The following TRIM33 variants were observed in gnomAD, a reference collection of about 807,000 sequenced individuals.
The protein encoded by TRIM33 is E3 ubiquitin-protein ligase TRIM33.
TRIM33 carries 20 observed loss-of-function variants against 125.4 expected under a neutral mutation model. That is an observed-to-expected ratio of 0.16 (90% CI 0.11 to 0.23). The LOEUF (loss-of-function observed/expected upper bound fraction) is 0.23, where lower values mean the gene tolerates loss of function less well. TRIM33 is among the 10% of genes least tolerant of loss of function. The pLI is 1.00. For synonymous variants in TRIM33, 564 were observed against 513.9 expected (o/e 1.10, Z -1.32); for missense variants, 920 against 1,411.4 (o/e 0.65, Z 5.58).
intron 1 of TRIM33, among the ~76,000 whole-genome samples, chr1:114,509,375 T>C (rs1178527804): frequency 2.6e-5 from 4 of 152,220 alleles, no homozygotes; most frequent in Admixed American, 2.0e-4. Context: ...TCTATCCCAT[T>C]AGCGTGACAT....
intron 12 of TRIM33, among the ~76,000 whole-genome samples, chr1:114,409,268 G>C (rs1215674279): frequency 6.6e-6 from 1 of 152,112 alleles, no homozygotes; most frequent in African/African-American, 2.4e-5. Context: ...AACCTGTTTG[G>C]AGTTGCTTCA....
At chr1:114,433,457 TTTTG>T (rs1452593489) in intron 5 of TRIM33, among the ~76,000 whole-genome samples, 156 bp downstream of exon 5, 1 of 152,232 alleles carries the variant, frequency 6.6e-6, no homozygotes, top group African/African-American at 2.4e-5. Flanking sequence ...GTCAATTAAA[TTTTG>T]TTTAATTGAC....
At chr1:114,476,400 A>T (rs567182614) in intron 1 of TRIM33, among the ~76,000 whole-genome samples, 1 of 152,258 alleles carries the variant, frequency 6.6e-6, no homozygotes, top group African/African-American at 2.4e-5. Context: ...AATGCAGCAG[A>T]AACAGTTCAT....
At chr1:114,411,076 G>GGT (rs1652553088) in intron 11 of TRIM33, among the ~76,000 whole-genome samples, 1 of 152,160 alleles carries the variant, frequency 6.6e-6, no homozygotes, top group South Asian at 2.1e-4. Flanking sequence ...GTCTGGCTCT[G>GGT]CTGTCCAGAC....
At chr1:114,414,680 T>TA (rs1652816667) in intron 11 of TRIM33, among the ~76,000 whole-genome samples, 1 of 152,178 alleles carries the variant, frequency 6.6e-6, no homozygotes. Flanking sequence ...GGTAGGGTTT[T>TA]AAAAAATCTA....
chr1:114,500,323 T>C (rs1652635188), intron 1 of TRIM33, among the ~76,000 whole-genome samples: 1 of 152,072 alleles, frequency 6.6e-6, no homozygotes, highest in African/African-American at 2.4e-5. Flanking sequence ...GTTGTCGTTG[T>C]TTTTCTGTTC....
intron 4 of TRIM33, among the ~76,000 whole-genome samples, chr1:114,441,703 A>C (rs150019396): frequency 3.9e-4 from 59 of 152,294 alleles, no homozygotes; most frequent in Non-Finnish European, 7.9e-4. Context: ...TTCACATGGG[A>C]TACTTCTCAA....
chr1:114,439,477 A>T (rs1398520876), intron 4 of TRIM33, among the ~76,000 whole-genome samples: 3 of 149,042 alleles, frequency 2.0e-5, no homozygotes, highest in Admixed American at 1.3e-4. Flanking sequence ...TCAAAAAAAA[A>T]AAAAAAAAAA....
intron 16 of TRIM33, among the ~76,000 whole-genome samples, chr1:114,402,446 C>T (rs1326435573): frequency 6.6e-6 from 1 of 151,950 alleles, no homozygotes; most frequent in Non-Finnish European, 1.5e-5. Context: ...TGGTATCATT[C>T]AATTAAGGGG....
At chr1:114,477,398 T>TA (rs1485544990) in intron 1 of TRIM33, among the ~76,000 whole-genome samples, 1 of 151,076 alleles carries the variant, frequency 6.6e-6, no homozygotes, top group African/African-American at 2.4e-5. Flanking sequence ...ACCAGGCATG[T>TA]CATTTACCAA....
chr1:114,457,054 T>C (rs1649669300), intron 4 of TRIM33, among the ~76,000 whole-genome samples: 1 of 152,206 alleles, frequency 6.6e-6, no homozygotes, highest in Non-Finnish European at 1.5e-5. Flanking sequence ...TGGTTGGGTA[T>C]ATCCGTGTTT....
At chr1:114,417,076 T>C (rs1269588977) in intron 11 of TRIM33, among the ~76,000 whole-genome samples, 1 of 152,146 alleles carries the variant, frequency 6.6e-6, no homozygotes, top group Admixed American at 6.5e-5. Flanking sequence ...TGCTAAAACA[T>C]GGATAGACCT....
Position 114,394,003 on chromosome 1 carries a change from AG to A in TRIM33, c.*3644del. The A allele has an allele frequency of 4.4e-6, 1 of 226,038 alleles. No individual in the cohort carries two copies. Among genetic ancestry groups the A allele is most frequent in the Non-Finnish European group, 8.8e-6 (1 of 113,232 alleles). The allele number at this position is 226,038 out of a possible 1,614,324, so 14.0% of individuals were successfully genotyped here. A position where few individuals can be genotyped will look rare whatever the true frequency, so the allele number is the denominator to read the frequency against. ...TTTATCAAGGAGGAGATTAACTGTG[AG>A]GGAAAAAAAATTAAATATCCAGGTC... On this transcript the variant is annotated 3_prime_UTR_variant, in exon 20 of 20. Transcript: ENST00000358465.
At chr1:114,402,081 CTT>C (rs551076536) in intron 16 of TRIM33, among the ~76,000 whole-genome samples, 253 of 152,266 alleles carry the variant, frequency 1.7e-3, no homozygotes, top group African/African-American at 5.7e-3. Flanking sequence ...TAGAGCCAAA[CTT>C]AACTCTAATG....
At position 114,493,981 on chromosome 1, in the gene TRIM33, C is replaced by T. The variant is rs186830386; in HGVS notation, c.526+16570G>A. ...GCGGGATTACAAGCATGCACCACCA[C>T]GCCCAGCTCATTTTTCTATTTTTAG... On this transcript the variant is annotated intron_variant, in intron 1 of 19. Coordinates refer to ENST00000358465, the MANE Select transcript of TRIM33 (RefSeq NM_015906.4). Among the ~76,000 whole-genome samples the T allele has an allele frequency of 9.7e-4, 148 of 152,146 alleles. No homozygotes were observed. The South Asian group carries it at 0.012, about 13-fold the overall frequency.
chr1:114,506,125 T>C (rs2101583876), intron 1 of TRIM33, among the ~76,000 whole-genome samples: 1 of 152,070 alleles, frequency 6.6e-6, no homozygotes. Context: ...CTCACGCCTA[T>C]AATCCCAGCA....
At chr1:114,404,807 A>ACC (rs1249921945) in intron 15 of TRIM33, 37 of 142,268 alleles carry the variant, frequency 2.6e-4, no homozygotes, top group Non-Finnish European at 4.1e-4. Context: ...GAGAAGATAT[A>ACC]TCTTTTTTTT....
chr1:114,410,246 G>T lies in TRIM33; in HGVS notation c.2132C>A (p.Pro711Gln). Residue 711 changes from proline (P) to glutamine (Q), a missense_variant, in exon 12 of 20, where the codon CCA becomes CAA. By Grantham distance (76) the Pro-to-Gln change is moderately conservative. Transcript: ENST00000358465. ...AGGATTCATGGTGCTTGTAGGCTGT[G>T]GGGGTAGGTGACTGCCTGAGATGTA... Reference protein sequence around the residue: ...SRYISGSHLPPQPTSTMNPSP... With the variant: ...SRYISGSHLPQQPTSTMNPSP... The T allele has an allele frequency of 6.2e-7, 1 of 1,613,972 alleles. No individual in the cohort carries two copies. The highest frequency in any genetic ancestry group is 1.1e-5 in the South Asian group (1 of 91,080).
At chr1:114,399,343 C>T in intron 18 of TRIM33, 114 bp downstream of exon 18, 2 of 938,654 alleles carry the variant, frequency 2.1e-6, no homozygotes, top group Non-Finnish European at 3.1e-6. Flanking sequence ...TTACTTTTGA[C>T]AGGACTTTAG....
Sources: gnomAD v4.1 joint callset for allele counts (sites outside exome capture counted in the v4.1 genomes callset) on GRCh38, gnomAD v4.1.1 for gene constraint, MANE v1.5 for transcripts, NCBI Gene and HGNC (gene_info 2026-07-23, HGNC 2026-07-21) for gene names.